The following NPNT variants were observed in gnomAD, a reference collection of about 807,000 sequenced individuals.
NPNT encodes preosteoblast EGF-like repeat protein with MAM domain.
Under a neutral mutation model 68.6 loss-of-function variants are expected in NPNT, and 45 were observed. The ratio of observed to expected loss-of-function variants is 0.66; its 90% CI spans 0.52 to 0.84. The LOEUF (loss-of-function observed/expected upper bound fraction) is 0.84. Among genes scored for constraint, NPNT ranks in the 40% least tolerant of loss-of-function variants. The pLI is 0.00. For synonymous variants in NPNT, 233 were observed against 253.3 expected, an observed-to-expected ratio of 0.92 and a Z score of 0.76; for missense variants, 672 against 714.8, an observed-to-expected ratio of 0.94 and a Z score of 0.68.
chr4:105,942,042 A>AATATATTTGTT (rs1176878104), intron 7 of NPNT, among the ~76,000 whole-genome samples: 13 of 151,800 alleles, frequency 8.6e-5, no homozygotes, highest in Admixed American at 2.6e-4. Flanking sequence ...AAATTATTTA[A>AATATATTTGTT]ACACACCAAT....
At chr4:105,912,696 A>G in intron 2 of NPNT, 2 of 334,062 alleles carry the variant, frequency 6.0e-6, no homozygotes, top group Non-Finnish European at 8.6e-6. Context: ...CAGTTATAAT[A>G]GCACTTACGG....
At chr4:105,906,923 C>T (rs1029061324) in intron 2 of NPNT, among the ~76,000 whole-genome samples, 1 of 152,160 alleles carries the variant, frequency 6.6e-6, no homozygotes, top group African/African-American at 2.4e-5. Flanking sequence ...AAGGCATGAA[C>T]ATTGTTCCCA....
At chr4:105,918,956 G>C (rs1488067087) in intron 2 of NPNT, among the ~76,000 whole-genome samples, 2 of 152,138 alleles carry the variant, frequency 1.3e-5, no homozygotes, top group African/African-American at 4.8e-5. Context: ...TGAGAGCAGA[G>C]AGAAGCTAGG....
chr4:105,921,693 G>A (rs1728269355), intron 2 of NPNT, among the ~76,000 whole-genome samples: 1 of 152,076 alleles, frequency 6.6e-6, no homozygotes, highest in African/African-American at 2.4e-5. Flanking sequence ...ATGGCTCAGG[G>A]CACTTTTCAG....
At chr4:105,897,767 A>C in intron 1 of NPNT, 134 bp from the exon 2 acceptor site, 1 of 690,392 alleles carries the variant, frequency 1.4e-6, no homozygotes, top group Non-Finnish European at 2.5e-6. Context: ...TTAACCTTAA[A>C]TTTCTGCAGG....
intron 8 of NPNT, among the ~76,000 whole-genome samples, chr4:105,957,936 C>T (rs1466325211): frequency 6.6e-6 from 1 of 152,110 alleles, no homozygotes; most frequent in African/African-American, 2.4e-5. Context: ...TGAGTTTGAT[C>T]TTAAAGGAGC....
At chr4:105,958,411 C>G (rs1731405861) in intron 8 of NPNT, 60 bp from the exon 9 acceptor site, 2 of 913,124 alleles carry the variant, frequency 2.2e-6, no homozygotes, top group East Asian at 2.5e-5. Flanking sequence ...AAAGGTAATG[C>G]CTCTTTATCA....
chr4:105,961,608 G>A (rs945161199), intron 10 of NPNT, among the ~76,000 whole-genome samples: 14 of 152,104 alleles, frequency 9.2e-5, no homozygotes, highest in African/African-American at 3.4e-4. Context: ...AATTTGTTGT[G>A]ACCCAAATCT....
rs762928597 is a variant in NPNT, at chr4:105,968,897, C to A, written c.1605C>A (p.Val535=). Residue 535 remains valine, a splice_region_variant and synonymous_variant, in exon 12 of 12, where the codon GTC becomes GTA. Coordinates refer to ENST00000379987, the MANE Select transcript of NPNT (RefSeq NM_001033047.3). ...ITLRGADIKS[V]VFKGEKRRGH... ...TGGTGTGTGCATTCTCTCCCTAGGT[C>A]GTCTTCAAAGGTGAAAAAAGGCGTG... The A allele has an allele frequency of 9.4e-6, 15 of 1,601,654 alleles. No homozygotes were observed. The South Asian group carries it at 1.7e-4, about 18-fold the overall frequency.
intron 3 of NPNT, among the ~76,000 whole-genome samples, chr4:105,932,331 C>T (rs1035075819): frequency 3.9e-5 from 6 of 152,022 alleles, no homozygotes; most frequent in African/African-American, 1.4e-4. Context: ...AAATGATGAT[C>T]TCTTGTTTGG....
chr4:105,953,504 A>G (rs1730986549), intron 8 of NPNT, among the ~76,000 whole-genome samples: 1 of 152,216 alleles, frequency 6.6e-6, no homozygotes, highest in Admixed American at 6.5e-5. Flanking sequence ...ATGGTTAAAG[A>G]AATTTCAGAA....
chr4:105,969,175 C>A lies in NPNT; in HGVS notation c.*185C>A. On this transcript the variant is annotated 3_prime_UTR_variant, in exon 12 of 12. Transcript: ENST00000379987. ...GTGCAATCCCAATGAACAGTGATAC[C>A]CTCCTTGAAATACAGGGGCATCGCA... 1 of 499,006 alleles carries A rather than the reference C, an allele frequency of 2.0e-6. No individual in the cohort carries two copies. The highest frequency in any genetic ancestry group is 3.5e-5 in the South Asian group (1 of 28,742). 30.9% of individuals were successfully genotyped at this position (499,006 alleles called of 1,614,324 possible). A position where few individuals can be genotyped will look rare whatever the true frequency, so the allele number is the denominator to read the frequency against.
chr4:105,925,275 TC>T (rs35856766), intron 2 of NPNT, among the ~76,000 whole-genome samples: 1 of 152,200 alleles, frequency 6.6e-6, no homozygotes, highest in Non-Finnish European at 1.5e-5. Flanking sequence ...CAAGGGCATT[TC>T]CCTATCATTT....
intron 2 of NPNT, among the ~76,000 whole-genome samples, chr4:105,914,477 A>G (rs892938698): frequency 1.4e-5 from 2 of 140,506 alleles, no homozygotes; most frequent in Admixed American, 7.5e-5. Context: ...TATATTATAT[A>G]TATAGAGAGA....
At position 105,970,406 on chromosome 4, in the gene NPNT, G is replaced by C; in HGVS notation, c.*1416G>C. ...CCAGGAATCACAAAGATGATTAAAGGGTTGGAAAAAAAGATCTATGATGGA... is the reference window on the plus strand; with the variant it reads ...CCAGGAATCACAAAGATGATTAAAGCGTTGGAAAAAAAGATCTATGATGGA... On this transcript the variant is annotated 3_prime_UTR_variant, in exon 12 of 12. Transcript: ENST00000379987. 1.4e-6 allele frequency: 1 copy of C among 701,224 alleles called. No individual in the cohort carries two copies. Among genetic ancestry groups the C allele is most frequent in the Non-Finnish European group, 2.6e-6 (1 of 384,008 alleles). The allele number at this position is 701,224 out of a possible 1,614,324, so 43.4% of individuals were successfully genotyped here.
intron 7 of NPNT, among the ~76,000 whole-genome samples, 171 bp from the exon 8 acceptor site, chr4:105,942,136 T>TATATATATATATATATATATATAGAC (rs140603677): frequency 1.2e-4 from 18 of 147,764 alleles, no homozygotes; most frequent in African/African-American, 3.5e-4. Flanking sequence ...TATATATATA[T>TATATATATATATATATATATATAGAC]ACACACATAT....
intron 2 of NPNT, among the ~76,000 whole-genome samples, chr4:105,905,425 C>T (rs1296199701): frequency 6.6e-6 from 1 of 152,184 alleles, no homozygotes; most frequent in African/African-American, 2.4e-5. Flanking sequence ...TTCCCACAGG[C>T]TACCACTGTT....
At position 105,958,479 on chromosome 4, in the gene NPNT, C is replaced by A. The variant is rs765507280; in HGVS notation, c.1168C>A (p.Gln390Lys). The change falls in exon 9 of 12, where the codon CAA becomes AAA. Residue 390 changes from glutamine (Q) to lysine (K), a missense_variant. Gln to Lys is a moderately conservative substitution (Grantham distance 53, BLOSUM62 1). Transcript: ENST00000379987. ...AAACCTTTCTCTTGCAGTTCCACGGCAACCTTCAAATGACTTGTTTGAAAT... is the reference window on the plus strand; with the variant it reads ...AAACCTTTCTCTTGCAGTTCCACGGAAACCTTCAAATGACTTGTTTGAAAT... ...KPRGDVFIPR[Q>K]PSNDLFEIFE... 1 of 1,607,792 alleles carries A rather than the reference C, an allele frequency of 6.2e-7. No individual in the cohort carries two copies. The highest frequency in any genetic ancestry group is 1.3e-5 in the African/African-American group (1 of 74,846).
At chr4:105,917,688 T>C (rs1727932549) in intron 2 of NPNT, among the ~76,000 whole-genome samples, 1 of 152,158 alleles carries the variant, frequency 6.6e-6, no homozygotes, top group Non-Finnish European at 1.5e-5. Context: ...GGTGATATAA[T>C]GGTCAAACTG....
Sources: gnomAD v4.1 joint callset for allele counts (sites outside exome capture counted in the v4.1 genomes callset) on GRCh38, gnomAD v4.1.1 for gene constraint, MANE v1.5 for transcripts, NCBI Gene and HGNC (gene_info 2026-07-23, HGNC 2026-07-21) for gene names.